The following ELAVL4 variants were observed in gnomAD, a reference collection of about 807,000 sequenced individuals.
ELAVL4 encodes the protein ELAV-like protein 4.
In ELAVL4, 1 loss-of-function variant was observed where a neutral mutation model predicts 35.6. The observed-to-expected ratio is 0.03, with a 90% CI of 0.01 to 0.13. The LOEUF (loss-of-function observed/expected upper bound fraction) is 0.13. Ranked by LOEUF, ELAVL4 falls within the 10% of genes least tolerant of loss-of-function variation. ELAVL4 has a pLI of 1.00. For synonymous variants in ELAVL4, 156 were observed against 171.0 expected, an observed-to-expected ratio of 0.91 and a Z score of 0.69; for missense variants, 267 against 464.9, an observed-to-expected ratio of 0.57 and a Z score of 3.91.
intron 3 of ELAVL4, among the ~76,000 whole-genome samples, chr1:50,183,319 G>T (rs1005539996): frequency 2.6e-5 from 4 of 152,144 alleles, no homozygotes; most frequent in African/African-American, 9.7e-5. Flanking sequence ...CACTGGATCT[G>T]GGATGAAGGG....
At chr1:50,122,247 A>G (rs1449281829) in intron 1 of ELAVL4, among the ~76,000 whole-genome samples, 1 of 152,062 alleles carries the variant, frequency 6.6e-6, no homozygotes, top group Non-Finnish European at 1.5e-5. Context: ...CTACAAAGAT[A>G]AGTCAGTCTC....
chr1:50,095,291 A>G (rs1665672581), intron 1 of ELAVL4, among the ~76,000 whole-genome samples: 1 of 152,170 alleles, frequency 6.6e-6, no homozygotes, highest in Non-Finnish European at 1.5e-5. Flanking sequence ...TGAGTTCCTT[A>G]GGAACTGCGT....
intron 1 of ELAVL4, 105 bp from the exon 2 acceptor site, chr1:50,144,852 C>G (rs1277341083): frequency 6.5e-7 from 1 of 1,538,614 alleles, no homozygotes; most frequent in African/African-American, 1.4e-5. Flanking sequence ...CTCCATCTTG[C>G]TTTATCTTCT....
At chr1:50,061,931 TTGTC>T (rs774529847) in intron 1 of ELAVL4, among the ~76,000 whole-genome samples, 9 of 152,340 alleles carry the variant, frequency 5.9e-5, no homozygotes, top group Non-Finnish European at 1.3e-4. Context: ...GTCTGTCTCA[TTGTC>T]TGTTTCTGGG....
intron 1 of ELAVL4, among the ~76,000 whole-genome samples, chr1:50,066,796 A>G (rs1237280586): frequency 6.6e-6 from 1 of 152,134 alleles, no homozygotes; most frequent in East Asian, 1.9e-4. Context: ...ACTCAGCCTT[A>G]ATCTTAGGTC....
At chr1:50,196,840 G>A (rs1644090831) in intron 5 of ELAVL4, among the ~76,000 whole-genome samples, 1 of 152,206 alleles carries the variant, frequency 6.6e-6, no homozygotes, top group Non-Finnish European at 1.5e-5. Context: ...AAGTAAGGTA[G>A]TGAATGTGAG....
upstream of ELAVL4, among the ~76,000 whole-genome samples, chr1:50,108,751 T>C (rs1431421940): frequency 1.8e-4 from 27 of 152,168 alleles, no homozygotes; most frequent in Admixed American, 1.7e-3. Context: ...TTCAGAAATC[T>C]GGTCTCTGTT....
chr1:50,200,758 G>T, intron 6 of ELAVL4, 93 bp from the exon 7 acceptor site: 1 of 1,543,462 alleles, frequency 6.5e-7, no homozygotes, highest in Non-Finnish European at 8.7e-7. Context: ...CACTCACTCA[G>T]CCCTCTGCCC....
intron 2 of ELAVL4, among the ~76,000 whole-genome samples, chr1:50,163,446 G>C (rs1181885358): frequency 6.6e-6 from 1 of 152,150 alleles, no homozygotes. Flanking sequence ...GAAAGGCACA[G>C]CCAAGTTGGG....
intron 2 of ELAVL4, among the ~76,000 whole-genome samples, chr1:50,168,982 A>ATG (rs1347768662): frequency 3.4e-5 from 5 of 147,282 alleles, no homozygotes; most frequent in Admixed American, 1.4e-4. Context: ...ACATATATAT[A>ATG]TGTATATATA....
At chr1:50,117,096 A>G (rs1440543183) in intron 1 of ELAVL4, among the ~76,000 whole-genome samples, 1 of 152,120 alleles carries the variant, frequency 6.6e-6, no homozygotes, top group East Asian at 1.9e-4. Context: ...TTGGGCTAAA[A>G]TATGTAAATT....
intron 1 of ELAVL4, among the ~76,000 whole-genome samples, chr1:50,050,711 T>C (rs1224836769): frequency 6.6e-6 from 1 of 152,162 alleles, no homozygotes; most frequent in Non-Finnish European, 1.5e-5. Context: ...CATTAGTAGC[T>C]TAAAAAAAAT....
Position 50,145,207 on chromosome 1 carries a change from G to A in ELAVL4, c.250+10G>A. ...AGAGACAAAATTACAGGTATGCACA[G>A]GATTTGAAGCTATGTTGTTCCATTA... On this transcript the variant is annotated intron_variant, in intron 2 of 6. Transcript: ENST00000371824. 1 of 1,613,680 alleles carries A rather than the reference G, an allele frequency of 6.2e-7. No individual in the cohort carries two copies. Among genetic ancestry groups the A allele is most frequent in the Non-Finnish European group, 8.5e-7 (1 of 1,179,726 alleles).
chr1:50,131,886 T>A (rs1298338911), intron 1 of ELAVL4, among the ~76,000 whole-genome samples: 10 of 134,988 alleles, frequency 7.4e-5, no homozygotes, highest in Admixed American at 2.2e-4. Context: ...AATTTATGTT[T>A]AAAAAAAAAA....
At chr1:50,065,890 A>C (rs1426111731) in intron 1 of ELAVL4, among the ~76,000 whole-genome samples, 9 of 152,002 alleles carry the variant, frequency 5.9e-5, no homozygotes, top group Non-Finnish European at 1.5e-5. Context: ...CTTCCATGTG[A>C]TCTCTTTTCC....
At chr1:50,096,215 G>C (rs143755941) in intron 1 of ELAVL4, among the ~76,000 whole-genome samples, 85 of 151,908 alleles carry the variant, frequency 5.6e-4, no homozygotes, top group African/African-American at 2.0e-3. Context: ...CTTTGCTCTT[G>C]AGTACCTTGA....
intron 1 of ELAVL4, among the ~76,000 whole-genome samples, chr1:50,119,302 G>A (rs868805340): frequency 1.3e-5 from 2 of 151,986 alleles, no homozygotes; most frequent in Non-Finnish European, 2.9e-5. Flanking sequence ...TGTAAAAAGC[G>A]GGAGGGACTT....
intron 3 of ELAVL4, among the ~76,000 whole-genome samples, chr1:50,184,876 G>A (rs1326219258): frequency 6.6e-6 from 1 of 152,096 alleles, no homozygotes; most frequent in Admixed American, 6.5e-5. Flanking sequence ...ATAATTTTGT[G>A]TTATTTCTGA....
rs190220934 is a variant in ELAVL4 at position 50,149,303 on chromosome 1, C to T, written c.250+4106C>T. ...ATCCCAGCTACTCGGGAGGCTGAGG[C>T]AGGAGAATTGCTTGAATCTGGGAGG... is the stretch of plus-strand genomic sequence containing the variant. On this transcript the variant is annotated intron_variant, in intron 2 of 6. Coordinates refer to ENST00000371824, the MANE Select transcript of ELAVL4 (RefSeq NM_001144774.3). Among the ~76,000 whole-genome samples the T allele has an allele frequency of 5.3e-3, 800 of 151,428 alleles. 8 individuals carry two copies. Among genetic ancestry groups the T allele is most frequent in the Admixed American group, 0.013 (190 of 15,200 alleles).
Sources: allele counts gnomAD v4.1 joint callset (sites outside exome capture counted in the v4.1 genomes callset), GRCh38; gene constraint gnomAD v4.1.1; transcripts MANE v1.5; gene names NCBI Gene and HGNC (gene_info 2026-07-23, HGNC 2026-07-21).